LRP1B: variants seen among roughly 807,000 people sequenced by gnomAD.
LRP1B encodes low-density lipoprotein receptor-related protein 1B.
Under a neutral mutation model 556.6 loss-of-function variants are expected in LRP1B, and 217 were observed. The ratio of observed to expected loss-of-function variants is 0.39; its 90% CI spans 0.35 to 0.44. LRP1B has a LOEUF of 0.44. LRP1B is among the 20% of genes least tolerant of loss of function. LRP1B has a pLI of 1.00. For missense variants in LRP1B, 5,053 were observed against 5,620.8 expected, an observed-to-expected ratio of 0.90 and a Z score of 3.23; for synonymous variants, 2,047 against 1,865.8, an observed-to-expected ratio of 1.10 and a Z score of -2.50.
chr2:141,315,141 T>C (rs960865788), intron 3 of LRP1B, among the ~76,000 whole-genome samples: 1 of 150,736 alleles, frequency 6.6e-6, no homozygotes, highest in Non-Finnish European at 1.5e-5. Flanking sequence ...ACTGTGACAT[T>C]TACTTGATCA....
chr2:141,360,844 A>C (rs1453251763), intron 3 of LRP1B, among the ~76,000 whole-genome samples: 2 of 152,244 alleles, frequency 1.3e-5, no homozygotes, highest in African/African-American at 4.8e-5. Context: ...AGGTAAACCC[A>C]AATACACAAG....
chr2:141,947,344 G>C (rs11884031), intron 1 of LRP1B, among the ~76,000 whole-genome samples: 1 of 152,040 alleles, frequency 6.6e-6, no homozygotes, highest in African/African-American at 2.4e-5. Flanking sequence ...GGATGAGGCA[G>C]GAGAATTGCT....
chr2:140,743,921 C>T lies in LRP1B; in HGVS notation c.5758+25292G>A, dbSNP rs1308600079. Among the ~76,000 whole-genome samples the T allele has an allele frequency of 1.4e-4, 18 of 126,086 alleles. 1 individual carries two copies. The highest frequency in any genetic ancestry group is 1.2e-3 in the Admixed American group (12 of 9,814). 82.7% of individuals were successfully genotyped at this position (126,086 alleles called of 152,430 possible). ...GGGGGATGTTGCAGTGAGCCGAGAT[C>T]GCGCCACTGCACTCCAGCCTGGCGA... On this transcript the variant is annotated intron_variant, in intron 35 of 90. Coordinates refer to ENST00000389484, the MANE Select transcript of LRP1B (RefSeq NM_018557.3).
intron 1 of LRP1B, among the ~76,000 whole-genome samples, chr2:141,998,411 A>G (rs1242456630): frequency 2.0e-5 from 3 of 152,210 alleles, no homozygotes; most frequent in Non-Finnish European, 2.9e-5. Context: ...CCGTACTTCT[A>G]ATGTTATTTT....
At chr2:141,185,060 T>G (rs1681181557) in intron 7 of LRP1B, among the ~76,000 whole-genome samples, 1 of 152,036 alleles carries the variant, frequency 6.6e-6, no homozygotes, top group Non-Finnish European at 1.5e-5. Context: ...GTGTTGAAAA[T>G]ATTAGCAATT....
chr2:141,377,151 G>A (rs1379848503), intron 3 of LRP1B, among the ~76,000 whole-genome samples: 2 of 152,058 alleles, frequency 1.3e-5, no homozygotes, highest in South Asian at 2.1e-4. Context: ...TAATGTATCT[G>A]TTTTCATGGA....
intron 2 of LRP1B, among the ~76,000 whole-genome samples, chr2:141,530,005 C>T (rs1684817835): frequency 6.6e-6 from 1 of 152,108 alleles, no homozygotes. Flanking sequence ...TTTAAACTAT[C>T]ACTGAATAAA....
intron 2 of LRP1B, among the ~76,000 whole-genome samples, chr2:141,522,985 T>A (rs1684577788): frequency 6.6e-6 from 1 of 152,106 alleles, no homozygotes; most frequent in Admixed American, 6.6e-5. Context: ...TTCAGTGATC[T>A]CCTCTGTCCT....
At chr2:140,256,311 C>A (rs1418701824) in intron 86 of LRP1B, among the ~76,000 whole-genome samples, 1 of 151,954 alleles carries the variant, frequency 6.6e-6, no homozygotes, top group African/African-American at 2.4e-5. Flanking sequence ...GTAATACTTC[C>A]TGTGTGCATC....
At chr2:141,835,051 T>G (rs2105751358) in intron 1 of LRP1B, among the ~76,000 whole-genome samples, 1 of 152,092 alleles carries the variant, frequency 6.6e-6, no homozygotes, top group Non-Finnish European at 1.5e-5. Context: ...ATAGAAACAA[T>G]GTTACCACAT....
chr2:140,483,577 T>C (rs1280488510), intron 59 of LRP1B, among the ~76,000 whole-genome samples: 1 of 142,802 alleles, frequency 7.0e-6, no homozygotes, highest in Non-Finnish European at 1.5e-5. Context: ...TATATATATA[T>C]GTACACACAC....
intron 2 of LRP1B, among the ~76,000 whole-genome samples, chr2:141,769,513 A>T (rs1694832080): frequency 6.6e-6 from 1 of 152,158 alleles, no homozygotes; most frequent in Non-Finnish European, 1.5e-5. Context: ...TTCGAATCAG[A>T]GGAAAGATTT....
chr2:141,185,690 A>AC (rs1553472466), intron 7 of LRP1B, among the ~76,000 whole-genome samples: 1 of 146,828 alleles, frequency 6.8e-6, no homozygotes, highest in Non-Finnish European at 1.5e-5. Context: ...AAACAAACAA[A>AC]AAAAAACAAA....
At chr2:141,239,451 T>C (rs538211141) in intron 5 of LRP1B, among the ~76,000 whole-genome samples, 1 of 152,010 alleles carries the variant, frequency 6.6e-6, no homozygotes, top group Admixed American at 6.6e-5. Flanking sequence ...TTAAAGGAAG[T>C]TGTTTTGCAT....
At chr2:142,001,527 T>C (rs1298566724) in intron 1 of LRP1B, among the ~76,000 whole-genome samples, 1 of 152,126 alleles carries the variant, frequency 6.6e-6, no homozygotes, top group Non-Finnish European at 1.5e-5. Context: ...AAAAACACAC[T>C]TGAAAACGCA....
chr2:142,033,144 T>G (rs1703762679), intron 1 of LRP1B, among the ~76,000 whole-genome samples: 1 of 151,818 alleles, frequency 6.6e-6, no homozygotes, highest in South Asian at 2.1e-4. Context: ...CACTAGCATC[T>G]CCAGCTGCTA....
At chr2:140,931,130 A>G (rs914214880) in intron 20 of LRP1B, among the ~76,000 whole-genome samples, 1 of 152,134 alleles carries the variant, frequency 6.6e-6, no homozygotes, top group African/African-American at 2.4e-5. Flanking sequence ...TAAACTCCCT[A>G]GGGGATGCTG....
At chr2:140,716,903 CT>C in intron 35 of LRP1B, 87 bp from the exon 36 acceptor site, 1 of 624,852 alleles carries the variant, frequency 1.6e-6, no homozygotes. Flanking sequence ...GCAACAGTAT[CT>C]TTTAGGATAT....
chr2:140,541,464 T>C (rs1279266817), intron 44 of LRP1B, among the ~76,000 whole-genome samples: 1 of 152,028 alleles, frequency 6.6e-6, no homozygotes, highest in Non-Finnish European at 1.5e-5. Flanking sequence ...GATCTGAAAA[T>C]CTGAAGTTAT....
Sources: gnomAD v4.1 joint callset for allele counts (sites outside exome capture counted in the v4.1 genomes callset) on GRCh38, gnomAD v4.1.1 for gene constraint, MANE v1.5 for transcripts, NCBI Gene and HGNC (gene_info 2026-07-23, HGNC 2026-07-21) for gene names.